The following ADAD2 variants were observed in gnomAD, a reference collection of about 807,000 sequenced individuals.
ADAD2 encodes the protein adenosine deaminase domain-containing protein 2.
A neutral mutation model predicts 54.5 loss-of-function variants in ADAD2; 60 were observed. The ratio of observed to expected loss-of-function variants is 1.10; its 90% CI spans 0.89 to 1.36. The LOEUF (loss-of-function observed/expected upper bound fraction) is 1.36. Ranked by LOEUF, ADAD2 falls within the 40% of genes most tolerant of loss-of-function variation. The probability of loss-of-function intolerance (pLI) is 0.00; values close to 1 mark genes in which losing one functional copy is unlikely to be tolerated. For missense variants in ADAD2, 1,103 were observed against 801.3 expected (o/e 1.38, Z -4.54); for synonymous variants, 543 against 366.2 (o/e 1.48, Z -5.51).
chr16:84,195,717 C>A lies in ADAD2; in HGVS notation c.1052+20C>A, dbSNP rs376317175. On this transcript the variant is annotated intron_variant, in intron 6 of 9. Coordinates refer to ENST00000315906, the MANE Select transcript of ADAD2 (RefSeq NM_001145400.2). ...CATCTAGTATGCAGGGCCCCCGGGG[C>A]AGGCGGGGGATGGGGCTCCCTCGGT... is the stretch of plus-strand genomic sequence containing the variant. The A allele has an allele frequency of 2.0e-5, 31 of 1,529,832 alleles. No homozygotes were observed. Among genetic ancestry groups the A allele is most frequent in the Non-Finnish European group, 2.7e-5 (31 of 1,139,912 alleles). 94.8% of individuals were successfully genotyped at this position (1,529,832 alleles called of 1,614,324 possible). A position where few individuals can be genotyped will look rare whatever the true frequency, so the allele number is the denominator to read the frequency against.
rs372344589 is a variant in ADAD2, at chr16:84,195,354, C to A, written c.792C>A (p.Thr264=). 6.2e-7 allele frequency: 1 copy of A among 1,609,158 alleles called. No individual in the cohort carries two copies. Among genetic ancestry groups the A allele is most frequent in the Non-Finnish European group, 8.5e-7 (1 of 1,179,474 alleles). The change falls in exon 5 of 10, where the codon ACC becomes ACA. Residue 264 remains threonine, a synonymous_variant. Coordinates refer to ENST00000315906, the MANE Select transcript of ADAD2 (RefSeq NM_001145400.2). ...TCTACAAGCTGGTGGCTCTGGGCAC[C>A]GGCAGCAGCTGCTGTGCTGGCTGGC... ...KEIYKLVALG[T]GSSCCAGWLE...
Position 84,191,360 on chromosome 16 carries a change from G to GA in ADAD2, c.130_131insA (p.Gly44GlufsTer120), listed in dbSNP as rs779232602. 1.3e-4 allele frequency: 206 copies of GA among 1,539,970 alleles called. No homozygotes were observed. The highest frequency in any genetic ancestry group is 6.7e-4 in the African/African-American group (48 of 72,168). On this transcript the variant is annotated frameshift_variant, in exon 1 of 10. Transcript: ENST00000315906. LOFTEE classifies it high-confidence loss of function. ...ACCCGCCCAGGCCCAAAGTGCCTGG[G>GA]GGCCCGCGCCCGCGCCCGCGACGTA...
chr16:84,195,198 G>A lies in ADAD2; in HGVS notation c.733+4G>A, dbSNP rs2151327880. On this transcript the variant is annotated splice_donor_region_variant and intron_variant, in intron 4 of 9. Coordinates refer to ENST00000315906, the MANE Select transcript of ADAD2 (RefSeq NM_001145400.2). ...GCTGGAGTCATCCTGGAGAGGGGTA[G>A]GGATCGCCCCAGCCCTGGCCCTGGC... 1 of 1,612,288 alleles carries A rather than the reference G, an allele frequency of 6.2e-7. No homozygotes were observed. The highest frequency in any genetic ancestry group is 2.2e-5 in the East Asian group (1 of 44,838).
At position 84,191,605 on chromosome 16, in the gene ADAD2, C is replaced by T. The variant is rs1314594299; in HGVS notation, c.375C>T (p.Ala125=). The T allele has an allele frequency of 1.9e-6, 3 of 1,552,766 alleles. No individual in the cohort carries two copies. The highest frequency in any genetic ancestry group is 2.6e-6 in the Non-Finnish European group (3 of 1,148,420). ...QAVSLLTEYA[A]SLGIFLLFRE... ...TGTCCTTGCTCACGGAGTACGCGGC[C>T]AGCCTGGGCATCTTCCTGCTCTTCC... Residue 125 remains alanine (A), a synonymous_variant, in exon 1 of 10, where the codon GCC becomes GCT. Transcript: ENST00000315906.
Position 84,195,330 on chromosome 16 carries a change from C to A in ADAD2, c.768C>A (p.Ile256=), listed in dbSNP as rs1431574049. The A allele has an allele frequency of 1.9e-6, 3 of 1,610,868 alleles. No individual in the cohort carries two copies. The highest frequency in any genetic ancestry group is 2.7e-5 in the African/African-American group (2 of 74,934). The change falls in exon 5 of 10, where the codon ATC becomes ATA. Residue 256 remains isoleucine, a synonymous_variant. Coordinates refer to ENST00000315906, the MANE Select transcript of ADAD2 (RefSeq NM_001145400.2). ...GTGCCAGGGGCCACGTGAAGGAGAT[C>A]TACAAGCTGGTGGCTCTGGGCACCG... ...IPRARGHVKE[I]YKLVALGTGS...
rs775154436 is a variant in ADAD2 at position 84,194,563 on chromosome 16, G to T, written c.540G>T (p.Arg180=). 6.2e-7 allele frequency: 1 copy of T among 1,605,950 alleles called. No individual in the cohort carries two copies. The highest frequency in any genetic ancestry group is 8.5e-7 in the Non-Finnish European group (1 of 1,176,396). The change falls in exon 2 of 10, where the codon CGG becomes CGT. Residue 180 remains arginine, a synonymous_variant. Transcript: ENST00000315906. ...QAALSALCYI[R]SQLENPESPQ... ...CGCTCTCTGCCCTCTGCTACATCCG[G>T]AGTCAGCTGGAGAACCCAGGTAATG...
rs750007089 is a variant in ADAD2 at position 84,191,326 on chromosome 16, G to A, written c.96G>A (p.Trp32Ter). ...AGATCAGCCCCCAGCCCCGCCCCTG[G>A]CGACCGCTACCCGCCCAGGCCCAAA... ...SLQISPQPRP[W>*]RPLPAQAQSA... The change falls in exon 1 of 10, where the codon TGG becomes TGA. Residue 32 changes from tryptophan to a stop codon, truncating the protein, a stop_gained. Coordinates refer to ENST00000315906, the MANE Select transcript of ADAD2 (RefSeq NM_001145400.2). LOFTEE classifies it high-confidence loss of function. The A allele has an allele frequency of 4.4e-6, 7 of 1,584,370 alleles. No homozygotes were observed. The highest frequency in any genetic ancestry group is 2.7e-5 in the African/African-American group (2 of 73,858).
At chr16:84,194,033 G>T in intron 1 of ADAD2, 1 of 1,602,856 alleles carries the variant, frequency 6.2e-7, no homozygotes, top group Non-Finnish European at 8.5e-7. Context: ...AGAGCCCCTG[G>T]AGGAGAGGAA....
chr16:84,195,561 C>T lies in ADAD2; in HGVS notation c.916C>T (p.Gln306Ter), dbSNP rs752245764. ...FLFRQLLLAT[Q>*]GGPKGKEQSV... ...GTTCCGGCAGCTCCTGCTGGCCACA[C>T]AGGGGGGCCCCAAGGGCAAGGAGCA... is the stretch of plus-strand genomic sequence containing the variant. The change falls in exon 6 of 10, where the codon CAG (glutamine) becomes TAG (stop). Residue 306 changes from glutamine (Q) to a stop codon, truncating the protein, a stop_gained. Coordinates refer to ENST00000315906, the MANE Select transcript of ADAD2 (RefSeq NM_001145400.2). LOFTEE classifies it high-confidence loss of function. The T allele has an allele frequency of 6.3e-7, 1 of 1,599,190 alleles. No individual in the cohort carries two copies. Among genetic ancestry groups the T allele is most frequent in the South Asian group, 1.1e-5 (1 of 89,184 alleles).
intron 1 of ADAD2, 174 bp downstream of exon 1, chr16:84,191,822 G>C: frequency 1.1e-6 from 1 of 912,686 alleles, no homozygotes; most frequent in Non-Finnish European, 1.7e-6. Context: ...CCTGCTGTGA[G>C]CAGCGATCTC....
Position 84,196,028 on chromosome 16 carries a change from C to T in ADAD2, c.1266C>T (p.Ser422=), listed in dbSNP as rs2089725204. ...CCCACCTGGTGTCCCCACTCTACAG[C>T]ACCAGCCTCATCCTGGGTGAGCACG... The part of the protein sequence containing the change: ...LLAHLVSPLY[S]TSLILADSCH... Residue 422 remains serine, a synonymous_variant, in exon 7 of 10, where the codon AGC becomes AGT. Transcript: ENST00000315906. 1 of 1,599,188 alleles carries T rather than the reference C, an allele frequency of 6.3e-7. No homozygotes were observed. Among genetic ancestry groups the T allele is most frequent in the African/African-American group, 1.3e-5 (1 of 75,048 alleles).
chr16:84,196,598 G>A (rs2089734118), intron 8 of ADAD2, 49 bp from the exon 9 acceptor site: 1 of 1,598,870 alleles, frequency 6.3e-7, no homozygotes, highest in East Asian at 2.2e-5. Flanking sequence ...CAGGCCTGCT[G>A]GTCCAGCTTG....
At position 84,196,292 on chromosome 16, in the gene ADAD2, G is replaced by A. The variant is rs377666664; in HGVS notation, c.1448G>A (p.Arg483His). 77 of 1,612,988 alleles carry A rather than the reference G, an allele frequency of 4.8e-5. No homozygotes were observed. Among genetic ancestry groups the A allele is most frequent in the African/African-American group, 2.8e-4 (21 of 75,046 alleles). The part of the protein sequence containing the change: ...APSEPTPDTC[R>H]GLSLNWSLGD... Reference sequence around the variant, plus strand: ...TCCGAACCCACCCCTGACACCTGCCGTGGCCTGAGCCTCAACTGGAGCCTG... The same window carrying A: ...TCCGAACCCACCCCTGACACCTGCCATGGCCTGAGCCTCAACTGGAGCCTG... The change falls in exon 8 of 10, where the codon CGT (arginine) becomes CAT (histidine). Residue 483 changes from arginine to histidine, a missense_variant. Physicochemically the swap from Arg to His is conservative, Grantham distance 29 (BLOSUM62 0). Transcript: ENST00000315906.
rs2303239 is a variant in ADAD2 at position 84,195,974 on chromosome 16, C to T, written c.1212C>T (p.Ala404=). 516,794 of 1,598,498 alleles carry T rather than the reference C, an allele frequency of 0.32. 85,242 individuals are homozygous for T. The highest frequency in any genetic ancestry group is 0.46 in the Admixed American group (27,582 of 59,878). Residue 404 remains alanine (A), a synonymous_variant, in exon 7 of 10, where the codon GCC becomes GCT. Transcript: ENST00000315906. ...CCAGTGACAAGCTGGCACGCTGGGC[C>T]GTGCTGGGGCTGGGTGGTGCCCTGC... is the stretch of plus-strand genomic sequence containing the variant. ...LSASDKLARW[A]VLGLGGALLA... is the part of the protein sequence containing the mutation.
chr16:84,194,281 G>A (rs774959856), intron 1 of ADAD2, 161 bp from the exon 2 acceptor site: 47 of 1,549,094 alleles, frequency 3.0e-5, no homozygotes, highest in African/African-American at 9.6e-5. Context: ...AAGGGTGTGC[G>A]CGGCATGGGG....
intron 1 of ADAD2, 197 bp from the exon 2 acceptor site, chr16:84,194,245 A>G: frequency 6.4e-7 from 1 of 1,554,628 alleles, no homozygotes; most frequent in Non-Finnish European, 8.7e-7. Context: ...TGAATCAGCG[A>G]TGGGTCACAG....
chr16:84,192,414 G>T (rs1235043154), intron 1 of ADAD2: 1 of 152,448 alleles, frequency 6.6e-6, no homozygotes, highest in African/African-American at 2.4e-5. Flanking sequence ...CCTCCAAAGT[G>T]CTGAGATTAC....
chr16:84,191,837 G>T, intron 1 of ADAD2, 189 bp downstream of exon 1: 1 of 811,644 alleles, frequency 1.2e-6, no homozygotes, highest in Non-Finnish European at 2.0e-6. Context: ...GATCTCCAAG[G>T]ATCACCAGCC....
In ADAD2 at chr16:84,196,297, C is replaced by T. The variant is rs2089729918; in HGVS notation, c.1453C>T (p.Leu485=). The change falls in exon 8 of 10, where the codon CTG becomes TTG. Residue 485 remains leucine (L), a synonymous_variant. Transcript: ENST00000315906. ...ACCCACCCCTGACACCTGCCGTGGC[C>T]TGAGCCTCAACTGGAGCCTGGGGGA... ...SEPTPDTCRG[L]SLNWSLGDPG... is the part of the protein sequence containing the mutation. 6.2e-7 allele frequency: 1 copy of T among 1,612,904 alleles called. No homozygotes were observed.
Sources: allele counts gnomAD v4.1 joint callset, GRCh38; gene constraint gnomAD v4.1.1; transcripts MANE v1.5; gene names NCBI Gene and HGNC (gene_info 2026-07-23, HGNC 2026-07-21).